RALGAPA2: variants seen among roughly 807,000 people sequenced by gnomAD.
The protein encoded by RALGAPA2 is ral GTPase-activating protein subunit alpha-2.
Under a neutral mutation model 230.4 loss-of-function variants are expected in RALGAPA2, and 139 were observed. That is an observed-to-expected ratio of 0.60 (90% CI 0.53 to 0.69). The LOEUF (loss-of-function observed/expected upper bound fraction) is 0.69, where lower values mean the gene tolerates loss of function less well. Ranked by LOEUF, RALGAPA2 falls within the 30% of genes least tolerant of loss-of-function variation. The probability of loss-of-function intolerance (pLI) is 0.00; values close to 1 mark genes in which losing one functional copy is unlikely to be tolerated. For missense variants in RALGAPA2, 2,163 were observed against 2,276.0 expected (o/e 0.95, Z 1.01); for synonymous variants, 847 against 837.8 (o/e 1.01, Z -0.19).
intron 8 of RALGAPA2, among the ~76,000 whole-genome samples, chr20:20,636,330 G>T (rs2066856807): frequency 6.6e-6 from 1 of 151,890 alleles, no homozygotes; most frequent in African/African-American, 2.4e-5. Flanking sequence ...ACCTGTATGA[G>T]GCAGAAAAAT....
Position 20,648,789 on chromosome 20 carries a change from G to A in RALGAPA2, c.328+4741C>T, listed in dbSNP as rs183217526. 2.9e-3 allele frequency among the ~76,000 whole-genome samples: 434 copies of A among 152,158 alleles called. 5 individuals are homozygous for A. Among genetic ancestry groups the A allele is most frequent in the Admixed American group, 0.026 (398 of 15,276 alleles). ...TGGCAGCAACCAGGAGGTAGAAGATGGCATGTAAAAGGGACAGAGGTTTCC... is the reference window on the plus strand; with the variant it reads ...TGGCAGCAACCAGGAGGTAGAAGATAGCATGTAAAAGGGACAGAGGTTTCC... On this transcript the variant is annotated intron_variant, in intron 4 of 39. Coordinates refer to ENST00000202677, the MANE Select transcript of RALGAPA2 (RefSeq NM_020343.4).
intron 1 of RALGAPA2, among the ~76,000 whole-genome samples, chr20:20,703,929 A>C (rs1360676809): frequency 6.6e-6 from 1 of 152,218 alleles, no homozygotes; most frequent in East Asian, 1.9e-4. Flanking sequence ...TTCTTGATGA[A>C]TATTTAACAT....
intron 16 of RALGAPA2, 112 bp downstream of exon 16, chr20:20,601,570 A>T: frequency 9.7e-7 from 1 of 1,026,696 alleles, no homozygotes; most frequent in Non-Finnish European, 1.4e-6. Context: ...CATTTCATTT[A>T]ATATAAGGTC....
At chr20:20,505,039 T>A (rs540270924) in intron 34 of RALGAPA2, 13 of 985,334 alleles carry the variant, frequency 1.3e-5, no homozygotes, top group Admixed American at 1.2e-4. Flanking sequence ...TCTTTCTTCA[T>A]CTTTTCACCC....
intron 1 of RALGAPA2, among the ~76,000 whole-genome samples, chr20:20,699,782 G>A (rs2069268637): frequency 6.6e-6 from 1 of 152,096 alleles, no homozygotes; most frequent in African/African-American, 2.4e-5. Flanking sequence ...AGTCAGAATG[G>A]TTATTAAATA....
chr20:20,707,683 AC>A, intron 1 of RALGAPA2, among the ~76,000 whole-genome samples: 1 of 151,920 alleles, frequency 6.6e-6, no homozygotes. Flanking sequence ...ACGGTTCTCT[AC>A]TCTCTGGTCC....
At chr20:20,581,489 C>G (rs918915407) in intron 20 of RALGAPA2, among the ~76,000 whole-genome samples, 1 of 152,128 alleles carries the variant, frequency 6.6e-6, no homozygotes, top group African/African-American at 2.4e-5. Context: ...TGAGTCAAAA[C>G]ATTTTGGAAG....
At chr20:20,632,458 G>C (rs942061821) in intron 9 of RALGAPA2, among the ~76,000 whole-genome samples, 1 of 152,180 alleles carries the variant, frequency 6.6e-6, no homozygotes, top group Non-Finnish European at 1.5e-5. Flanking sequence ...TTAATTTGCT[G>C]TTCTTTCTAC....
intron 3 of RALGAPA2, among the ~76,000 whole-genome samples, chr20:20,675,590 G>A (rs1035137857): frequency 2.0e-4 from 31 of 152,226 alleles, no homozygotes; most frequent in Admixed American, 1.7e-3. Context: ...CCAGGTACCC[G>A]TAATCTGGCC....
At position 20,398,040 on chromosome 20, in the gene RALGAPA2, A is replaced by G. The variant is rs1332109290; in HGVS notation, c.5618-1306T>C. ...CCATGGATCCTCGGGATGATTAATC[A>G]TTTAGATTTCTGATTTCCCCCCAAT... On this transcript the variant is annotated intron_variant, in intron 38 of 39. Coordinates refer to ENST00000202677, the MANE Select transcript of RALGAPA2 (RefSeq NM_020343.4). This position sits in a 1 kb window ranked among gnomAD's most constrained non-coding sequence, Gnocchi z 4.5. Among the ~76,000 whole-genome samples, 2 of 152,128 alleles carry G rather than the reference A, an allele frequency of 1.3e-5. No individual in the cohort carries two copies. The highest frequency in any genetic ancestry group is 2.9e-5 in the Non-Finnish European group (2 of 68,032).
intron 38 of RALGAPA2, among the ~76,000 whole-genome samples, chr20:20,400,596 C>T (rs2059812079): frequency 6.6e-6 from 1 of 152,010 alleles, no homozygotes; most frequent in Non-Finnish European, 1.5e-5. Flanking sequence ...TCTTGTTAGG[C>T]CATCATAAAG....
chr20:20,389,532 C>T lies in RALGAPA2; in HGVS notation c.*3757G>A, dbSNP rs1452210025. 6.6e-6 allele frequency: 1 copy of T among 152,170 alleles called. No individual in the cohort carries two copies. Among genetic ancestry groups the T allele is most frequent in the East Asian group, 1.9e-4 (1 of 5,202 alleles). 9.4% of individuals were successfully genotyped at this position (152,170 alleles called of 1,614,324 possible). A position where few individuals can be genotyped will look rare whatever the true frequency, so the allele number is the denominator to read the frequency against. On this transcript the variant is annotated 3_prime_UTR_variant, in exon 40 of 40. Coordinates refer to ENST00000202677, the MANE Select transcript of RALGAPA2 (RefSeq NM_020343.4). ...AAATATGCTTTCACACAATTCTGTC[C>T]AATAAAAATGAAAGCCACCTTTTTA...
rs575124278 is a variant in RALGAPA2, at chr20:20,648,719, C to T, written c.328+4811G>A. Among the ~76,000 whole-genome samples the T allele has an allele frequency of 3.3e-5, 5 of 151,762 alleles. No individual in the cohort carries two copies. The South Asian group carries it at 1.0e-3, about 32-fold the overall frequency. On this transcript the variant is annotated intron_variant, in intron 4 of 39. Coordinates refer to ENST00000202677, the MANE Select transcript of RALGAPA2 (RefSeq NM_020343.4). ...GAAAAGGGCTAGGAGAGAACAAAGC[C>T]ATGGGGGATGGGGGGAAGGCAAGCG...
intron 23 of RALGAPA2, among the ~76,000 whole-genome samples, chr20:20,569,689 T>C (rs569117751): frequency 3.3e-5 from 5 of 152,144 alleles, no homozygotes; most frequent in Non-Finnish European, 7.4e-5. Context: ...TAATATACTC[T>C]TATTTCATCT....
chr20:20,673,587 C>A (rs902718387), intron 3 of RALGAPA2, among the ~76,000 whole-genome samples: 36 of 151,306 alleles, frequency 2.4e-4, no homozygotes, highest in East Asian at 9.7e-4. Context: ...GAAAAAAAAA[C>A]CAGAAAATAT....
At chr20:20,629,169 A>G (rs1171566405) in intron 10 of RALGAPA2, among the ~76,000 whole-genome samples, 194 bp downstream of exon 10, 4 of 152,234 alleles carry the variant, frequency 2.6e-5, no homozygotes, top group Non-Finnish European at 5.9e-5. Context: ...ACAAAATTTA[A>G]AAATCACAAC....
At chr20:20,611,483 T>C in intron 13 of RALGAPA2, 57 bp from the exon 14 acceptor site, 1 of 1,550,162 alleles carries the variant, frequency 6.5e-7, no homozygotes, top group Non-Finnish European at 8.7e-7. Context: ...AGCACTTTAA[T>C]TTATAGGTAC....
chr20:20,624,926 C>T (rs937813130), intron 10 of RALGAPA2, among the ~76,000 whole-genome samples: 1 of 152,088 alleles, frequency 6.6e-6, no homozygotes, highest in Non-Finnish European at 1.5e-5. Flanking sequence ...ATAGTTACTC[C>T]GTCAGTCCCC....
At chr20:20,671,508 A>C (rs913183110) in intron 3 of RALGAPA2, among the ~76,000 whole-genome samples, 2 of 152,216 alleles carry the variant, frequency 1.3e-5, no homozygotes, top group Non-Finnish European at 1.5e-5. Flanking sequence ...TATCCTACAA[A>C]GCAGCAACGA....
Sources: allele counts gnomAD v4.1 joint callset (sites outside exome capture counted in the v4.1 genomes callset), GRCh38; gene constraint gnomAD v4.1.1; non-coding constraint Gnocchi (gnomAD v3.1); transcripts MANE v1.5; gene names NCBI Gene and HGNC (gene_info 2026-07-23, HGNC 2026-07-21).